ZNF79: variants seen among roughly 807,000 people sequenced by gnomAD.
The protein encoded by ZNF79 is zinc finger protein 79.
Under a neutral mutation model 14.9 loss-of-function variants are expected in ZNF79, and 13 were observed. The observed-to-expected ratio is 0.87, with a 90% CI of 0.57 to 1.38. The LOEUF (loss-of-function observed/expected upper bound fraction) is 1.38. ZNF79 is among the 40% of genes most tolerant of loss of function. ZNF79 has a pLI of 0.00. For synonymous variants in ZNF79, 223 were observed against 235.1 expected (o/e 0.95, Z 0.47); for missense variants, 631 against 630.6 (o/e 1.00, Z -0.01).
chr9:127,424,386 AGGCGCGTCCCTCT>A lies in ZNF79; in HGVS notation c.-396_-384del. ...CGCATGACCGGAAGTGGCGCCAATC[AGGCGCGTCCCTCT>A]GGCGCTGGAGCCAGGACCTGGCGTT... On this transcript the variant is annotated 5_prime_UTR_variant, in exon 1 of 5. Transcript: ENST00000342483. 1 of 195,106 alleles carries A rather than the reference AGGCGCGTCCCTCT, an allele frequency of 5.1e-6. No individual in the cohort carries two copies. Among genetic ancestry groups the A allele is most frequent in the Non-Finnish European group, 1.1e-5 (1 of 92,806 alleles). The allele number at this position is 195,106 out of a possible 1,614,324, so 12.1% of individuals were successfully genotyped here.
At chr9:127,442,008 T>G (rs993317109) in intron 4 of ZNF79, among the ~76,000 whole-genome samples, 2 of 151,956 alleles carry the variant, frequency 1.3e-5, no homozygotes, top group African/African-American at 4.8e-5. Context: ...TCCTAGCTAC[T>G]TGGGAGGCTG....
At chr9:127,430,062 C>T (rs556034808) in intron 2 of ZNF79, among the ~76,000 whole-genome samples, 4 of 151,888 alleles carry the variant, frequency 2.6e-5, no homozygotes, top group African/African-American at 4.8e-5. Context: ...GTGATCTACC[C>T]GCCTCAGCCT....
rs376039091 is a variant in ZNF79, at chr9:127,445,217, G to C, written c.*20G>C. 1.1e-5 allele frequency: 17 copies of C among 1,610,220 alleles called. No homozygotes were observed. The highest frequency in any genetic ancestry group is 4.0e-5 in the African/African-American group (3 of 74,878). On this transcript the variant is annotated 3_prime_UTR_variant, in exon 5 of 5. Coordinates refer to ENST00000342483, the MANE Select transcript of ZNF79 (RefSeq NM_007135.3). ...GAGTAACTAGGAACATGGTAGAAGT[G>C]GAGAGAGTCCCGGACATGCCGACTC...
At chr9:127,430,932 C>T (rs532925001) in intron 2 of ZNF79, among the ~76,000 whole-genome samples, 37 of 152,298 alleles carry the variant, frequency 2.4e-4, no homozygotes, top group Middle Eastern at 3.4e-3. Flanking sequence ...TCTGCAGCCT[C>T]GCCAGCATCT....
In ZNF79 at chr9:127,445,194, G is replaced by C. The variant is rs774659177; in HGVS notation, c.1494G>C (p.Glu498Asp). Residue 498 changes from glutamate (E) to aspartate (D), a missense_variant, in exon 5 of 5, where the codon GAG becomes GAC. Coordinates refer to ENST00000342483, the MANE Select transcript of ZNF79 (RefSeq NM_007135.3). ...GACATCAGAGACTCCACGCCGGAGA[G>C]TAACTAGGAACATGGTAGAAGTGGA... The part of the protein sequence containing the change: ...FVRHQRLHAG[E>D] The C allele has an allele frequency of 6.2e-7, 1 of 1,613,514 alleles. No homozygotes were observed. Among genetic ancestry groups the C allele is most frequent in the African/African-American group, 1.3e-5 (1 of 74,924 alleles).
intron 4 of ZNF79, among the ~76,000 whole-genome samples, chr9:127,442,909 T>C (rs1239293581): frequency 1.3e-5 from 2 of 152,052 alleles, no homozygotes; most frequent in African/African-American, 4.8e-5. Flanking sequence ...CTTTTTAAAC[T>C]CTTGTTAAAA....
Position 127,444,628 on chromosome 9 carries a change from T to C in ZNF79, c.928T>C (p.Cys310Arg), listed in dbSNP as rs1834123636. 1.9e-6 allele frequency: 3 copies of C among 1,613,996 alleles called. No individual in the cohort carries two copies. Among genetic ancestry groups the C allele is most frequent in the Non-Finnish European group, 1.7e-6 (2 of 1,180,008 alleles). The change falls in exon 5 of 5, where the codon TGT (cysteine) becomes CGT (arginine). Residue 310 changes from cysteine to arginine, a missense_variant. Transcript: ENST00000342483. ...AGAGAAGCCCTACGAATGCAGCGAC[T>C]GTGGGAAGGCCTTCCGTCACAGTGC... is the stretch of plus-strand genomic sequence containing the variant. Reference protein sequence around the residue: ...TGEKPYECSDCGKAFRHSANL... With the variant: ...TGEKPYECSDRGKAFRHSANL...
intron 1 of ZNF79, among the ~76,000 whole-genome samples, chr9:127,425,254 G>A (rs1299726792): frequency 1.3e-5 from 2 of 152,220 alleles, no homozygotes; most frequent in African/African-American, 4.8e-5. Context: ...AGGGGAATTT[G>A]CAGTTAGAAG....
In ZNF79 at chr9:127,444,127, G is replaced by A. The variant is rs775600530; in HGVS notation, c.427G>A (p.Gly143Arg). 8.1e-6 allele frequency: 13 copies of A among 1,613,190 alleles called. No homozygotes were observed. In the East Asian group the frequency reaches 1.6e-4, roughly 19 times the overall value. ...VEMPPGDSDHGTSDLEKSFNL... is the reference protein window; with the variant it reads ...VEMPPGDSDHRTSDLEKSFNL... ...GATGCCCCCTGGGGATTCAGACCAC[G>A]GGACCAGTGACCTTGAGAAGAGCTT... The change falls in exon 5 of 5, where the codon GGG becomes AGG. Residue 143 changes from glycine (G) to arginine (R), a missense_variant. By Grantham distance (125) the Gly-to-Arg change is moderately radical. Transcript: ENST00000342483.
At chr9:127,427,543 T>TC (rs1444605624) in intron 1 of ZNF79, among the ~76,000 whole-genome samples, 1 of 26,726 alleles carries the variant, frequency 3.7e-5, no homozygotes, top group Non-Finnish European at 9.2e-5. Flanking sequence ...AACTAAATTC[T>TC]TTTTTTTTTT....
intron 2 of ZNF79, among the ~76,000 whole-genome samples, chr9:127,431,118 C>T (rs1183658105): frequency 1.3e-5 from 2 of 151,872 alleles, no homozygotes; most frequent in African/African-American, 4.8e-5. Flanking sequence ...TGCTTTTTAA[C>T]GTGGTTATTT....
chr9:127,433,086 T>C (rs2131949339), intron 2 of ZNF79, among the ~76,000 whole-genome samples: 1 of 152,156 alleles, frequency 6.6e-6, no homozygotes, highest in Middle Eastern at 3.4e-3. Flanking sequence ...CTGGCATAGA[T>C]ATTTCTTTGT....
intron 4 of ZNF79, among the ~76,000 whole-genome samples, chr9:127,436,568 G>A (rs567083338): frequency 5.3e-5 from 8 of 152,340 alleles, no homozygotes; most frequent in Admixed American, 3.3e-4. Context: ...AGTTTCCACT[G>A]CGTCTCTCTT....
chr9:127,425,043 C>A (rs901181211), intron 1 of ZNF79: 4 of 1,017,626 alleles, frequency 3.9e-6, no homozygotes, highest in African/African-American at 3.3e-5. Flanking sequence ...CCTCAGACTG[C>A]GTGATTTCTG....
chr9:127,440,717 G>C (rs890198258), intron 4 of ZNF79, among the ~76,000 whole-genome samples: 1 of 152,174 alleles, frequency 6.6e-6, no homozygotes, highest in Non-Finnish European at 1.5e-5. Flanking sequence ...GTTAGGAGGC[G>C]GCTCTTGCAG....
chr9:127,442,141 C>G (rs570968316), intron 4 of ZNF79, among the ~76,000 whole-genome samples: 2 of 150,586 alleles, frequency 1.3e-5, no homozygotes, highest in South Asian at 4.2e-4. Flanking sequence ...TAGCTCATGC[C>G]TGTATTTCCA....
chr9:127,438,396 C>T (rs1351474278), intron 4 of ZNF79, among the ~76,000 whole-genome samples: 5 of 152,230 alleles, frequency 3.3e-5, no homozygotes, highest in East Asian at 1.9e-4. Flanking sequence ...ATGCATGGGA[C>T]GAGGGGTGGG....
At chr9:127,433,675 T>G (rs1037517653) in intron 2 of ZNF79, among the ~76,000 whole-genome samples, 7 of 152,020 alleles carry the variant, frequency 4.6e-5, no homozygotes, top group Middle Eastern at 6.8e-3. Context: ...TCACCTGTGA[T>G]AGAACATCTA....
chr9:127,443,672 C>T lies in ZNF79; in HGVS notation c.329-357C>T, dbSNP rs190162200. ...ATCCCAGTACTTTGGGAGGCCGAGG[C>T]GGGTGGATCACGAGGTCAGGAAATC... is the stretch of plus-strand genomic sequence containing the variant. On this transcript the variant is annotated intron_variant, in intron 4 of 4. Transcript: ENST00000342483. Among the ~76,000 whole-genome samples the T allele has an allele frequency of 5.0e-4, 76 of 152,080 alleles. 1 individual carries two copies. Among genetic ancestry groups the T allele is most frequent in the Admixed American group, 4.1e-3 (63 of 15,270 alleles).
Sources: allele counts gnomAD v4.1 joint callset (sites outside exome capture counted in the v4.1 genomes callset), GRCh38; gene constraint gnomAD v4.1.1; transcripts MANE v1.5; gene names NCBI Gene and HGNC (gene_info 2026-07-23, HGNC 2026-07-21).